The following NOL4 variants were observed in gnomAD, a reference collection of about 807,000 sequenced individuals.
NOL4 encodes the protein nucleolar protein 4, also known as cancer/testis antigen 125.
A neutral mutation model predicts 75.9 loss-of-function variants in NOL4; 17 were observed. That is an observed-to-expected ratio of 0.22 (90% CI 0.15 to 0.34). The LOEUF is 0.34. NOL4 is among the 10% of genes least tolerant of loss of function. NOL4 has a pLI of 1.00. For synonymous variants in NOL4, 292 were observed against 289.9 expected (o/e 1.01, Z -0.07); for missense variants, 614 against 793.5 (o/e 0.77, Z 2.72).
chr18:33,904,640 A>G (rs1307785508), intron 9 of NOL4, among the ~76,000 whole-genome samples: 1 of 152,170 alleles, frequency 6.6e-6, no homozygotes, highest in Non-Finnish European at 1.5e-5. Context: ...TGTTACCTGT[A>G]TGTTTTGTAA....
intron 9 of NOL4, among the ~76,000 whole-genome samples, chr18:33,917,704 A>G (rs572469289): frequency 6.6e-6 from 1 of 151,820 alleles, no homozygotes; most frequent in East Asian, 1.9e-4. Context: ...AGGTCTCGCT[A>G]TTTTGCCCAG....
chr18:34,019,197 T>C, intron 6 of NOL4, 121 bp downstream of exon 6: 1 of 802,880 alleles, frequency 1.2e-6, no homozygotes, highest in South Asian at 1.9e-5. Context: ...CTTGGTATCC[T>C]CTTATTGGAT....
intron 1 of NOL4, among the ~76,000 whole-genome samples, chr18:34,162,888 C>T (rs1350133448): frequency 6.6e-6 from 1 of 152,148 alleles, no homozygotes; most frequent in Non-Finnish European, 1.5e-5. Context: ...AAAGCTTATC[C>T]ACCATGATCA....
intron 6 of NOL4, among the ~76,000 whole-genome samples, chr18:33,959,399 A>G (rs996694388): frequency 6.6e-6 from 1 of 151,998 alleles, no homozygotes; most frequent in Non-Finnish European, 1.5e-5. Context: ...ATTATTCCAG[A>G]GTAAGTTTGG....
chr18:33,911,296 C>A (rs1025009078), intron 9 of NOL4, among the ~76,000 whole-genome samples: 12 of 152,118 alleles, frequency 7.9e-5, no homozygotes, highest in Middle Eastern at 3.4e-3. Flanking sequence ...TCCTTCATTT[C>A]TGAGAAATGT....
intron 5 of NOL4, among the ~76,000 whole-genome samples, chr18:34,023,144 T>C (rs1381628897): frequency 6.6e-6 from 1 of 152,172 alleles, no homozygotes; most frequent in Non-Finnish European, 1.5e-5. Context: ...TATTTTGCAA[T>C]TTAAATGGTA....
At chr18:34,128,892 G>GAA in intron 2 of NOL4, 5 of 958,200 alleles carry the variant, frequency 5.2e-6, no homozygotes, top group Non-Finnish European at 5.0e-6. Flanking sequence ...TTCTGTATCT[G>GAA]AAAAAAAAAT....
intron 5 of NOL4, among the ~76,000 whole-genome samples, chr18:34,062,192 G>A (rs1220651289): frequency 6.6e-6 from 1 of 151,848 alleles, no homozygotes; most frequent in Non-Finnish European, 1.5e-5. Flanking sequence ...TTCTGCAAGT[G>A]TACCACTGAA....
chr18:33,872,137 T>G lies in NOL4; in HGVS notation c.1723+11107A>C, dbSNP rs143409341. On this transcript the variant is annotated intron_variant, in intron 10 of 10. Coordinates refer to ENST00000261592, the MANE Select transcript of NOL4 (RefSeq NM_003787.5). ...ATTATCATACTATTTGTGGGAAATC[T>G]GGAAACAAAGAATAAGCTCAGTGTC... 2.3e-3 allele frequency among the ~76,000 whole-genome samples: 355 copies of G among 152,160 alleles called. 3 individuals carry two copies. Among genetic ancestry groups the G allele is most frequent in the African/African-American group, 8.2e-3 (340 of 41,548 alleles).
At chr18:33,902,061 T>G (rs1466050577) in intron 9 of NOL4, among the ~76,000 whole-genome samples, 1 of 151,944 alleles carries the variant, frequency 6.6e-6, no homozygotes, top group Non-Finnish European at 1.5e-5. Flanking sequence ...ACAGAACAAA[T>G]CAGAAAGTCC....
intron 1 of NOL4, among the ~76,000 whole-genome samples, chr18:34,146,606 C>T (rs937796214): frequency 6.6e-6 from 1 of 152,156 alleles, no homozygotes; most frequent in African/African-American, 2.4e-5. Flanking sequence ...GGTAGCAGTA[C>T]CACGCTGCTT....
chr18:34,190,962 G>A (rs1456175167), intron 1 of NOL4, among the ~76,000 whole-genome samples: 1 of 151,902 alleles, frequency 6.6e-6, no homozygotes, highest in Non-Finnish European at 1.5e-5. Context: ...AATCTCATCA[G>A]GCAAAGAATT....
At position 34,019,444 on chromosome 18, in the gene NOL4, G is replaced by T; in HGVS notation, c.930C>A (p.Pro310=). The change falls in exon 6 of 11, where the codon CCC becomes CCA. Residue 310 remains proline (P), a synonymous_variant. Transcript: ENST00000261592. ...DEQPLNLSDS[P]LSAQLTSEYR... is the part of the protein sequence containing the mutation. ...ATTCCGAAGTTAGCTGCGCAGAGAG[G>T]GGACTGTCACTCAGGTTCAGTGGCT... The T allele has an allele frequency of 6.2e-7, 1 of 1,613,938 alleles. No individual in the cohort carries two copies. Among genetic ancestry groups the T allele is most frequent in the Non-Finnish European group, 8.5e-7 (1 of 1,179,978 alleles).
At chr18:33,913,599 T>C (rs928932909) in intron 9 of NOL4, among the ~76,000 whole-genome samples, 2 of 152,224 alleles carry the variant, frequency 1.3e-5, no homozygotes, top group African/African-American at 4.8e-5. Flanking sequence ...TTTTAAAAGG[T>C]TTAACGACTT....
chr18:34,103,260 T>C (rs2079123031), intron 4 of NOL4, among the ~76,000 whole-genome samples: 1 of 152,004 alleles, frequency 6.6e-6, no homozygotes, highest in Non-Finnish European at 1.5e-5. Context: ...ATCTATTGAG[T>C]ATTAACTAGT....
rs186300913 is a variant in NOL4 at position 34,001,196 on chromosome 18, G to C, written c.1056+18122C>G. Among the ~76,000 whole-genome samples the C allele has an allele frequency of 8.2e-3, 1,249 of 152,128 alleles. 5 individuals are homozygous for C. The highest frequency in any genetic ancestry group is 0.013 in the Non-Finnish European group (880 of 67,970). On this transcript the variant is annotated intron_variant, in intron 6 of 10. Transcript: ENST00000261592. ...AAGCATAATCATTTTTAGTATAGTA[G>C]GGTACAATTCAATACAACTTCTCTT...
intron 2 of NOL4, chr18:34,121,105 T>C (rs1210918157): frequency 2.0e-5 from 3 of 152,228 alleles, no homozygotes; most frequent in African/African-American, 7.2e-5. Flanking sequence ...ATCTTTTTCA[T>C]ACATGTTCAC....
intron 2 of NOL4, among the ~76,000 whole-genome samples, chr18:34,110,681 C>A (rs2079546086): frequency 6.6e-6 from 1 of 151,934 alleles, no homozygotes; most frequent in Non-Finnish European, 1.5e-5. Context: ...AAGTCCTAGT[C>A]AGAGTAATAA....
At chr18:33,997,290 A>T (rs1259734812) in intron 6 of NOL4, among the ~76,000 whole-genome samples, 1 of 151,918 alleles carries the variant, frequency 6.6e-6, no homozygotes, top group Non-Finnish European at 1.5e-5. Flanking sequence ...ATTCTTTTGC[A>T]TATCAACAGC....
Sources: allele counts gnomAD v4.1 joint callset (sites outside exome capture counted in the v4.1 genomes callset), GRCh38; gene constraint gnomAD v4.1.1; transcripts MANE v1.5; gene names NCBI Gene and HGNC (gene_info 2026-07-23, HGNC 2026-07-21).